EBF3: variants seen among roughly 807,000 people sequenced by gnomAD.
The protein encoded by EBF3 is EBF transcription factor 3, also known as transcription factor COE3.
EBF3 carries 18 observed loss-of-function variants against 77.1 expected under a neutral mutation model. The ratio of observed to expected loss-of-function variants is 0.23; its 90% CI spans 0.16 to 0.35. EBF3 has a LOEUF of 0.35. EBF3 is among the 10% of genes least tolerant of loss of function. The pLI is 1.00. For synonymous variants in EBF3, 350 were observed against 343.5 expected (o/e 1.02, Z -0.21); for missense variants, 558 against 860.0 (o/e 0.65, Z 4.39).
At chr10:129,921,450 G>A (rs1045624560) in intron 6 of EBF3, among the ~76,000 whole-genome samples, 3 of 152,300 alleles carry the variant, frequency 2.0e-5, no homozygotes, top group Non-Finnish European at 2.9e-5. Flanking sequence ...CCAAGCTGCC[G>A]GCGTCCCCTG....
chr10:129,873,035 C>T (rs7895769), intron 8 of EBF3, among the ~76,000 whole-genome samples: 28,696 of 152,126 alleles, frequency 0.19, 3,700 homozygotes, highest in African/African-American at 0.35. Flanking sequence ...ACACGCACTC[C>T]AGCCAGGGAC....
Position 129,963,480 on chromosome 10 carries a change from A to T in EBF3, c.178T>A (p.Ser60Thr), listed in dbSNP as rs1435157190. 6.3e-7 allele frequency: 1 copy of T among 1,583,664 alleles called. No individual in the cohort carries two copies. Among genetic ancestry groups the T allele is most frequent in the East Asian group, 2.4e-5 (1 of 41,438 alleles). The change falls in exon 2 of 17, where the codon TCC (serine) becomes ACC (threonine). Residue 60 changes from serine (S) to threonine (T), a missense_variant. This residue lies in a region of EBF3 where 84 missense variants were observed against 142.3 expected (regional missense o/e 0.59). Transcript: ENST00000440978. This position sits in a 1 kb window ranked among gnomAD's most constrained non-coding sequence, Gnocchi z 7.1. Reference sequence around the variant, plus strand: ...AAGAAATTGGATTTCCGGAGGTTGGAAGGCGGCTGCTTCTCGAAGTGCGCC... The same window carrying T: ...AAGAAATTGGATTTCCGGAGGTTGGTAGGCGGCTGCTTCTCGAAGTGCGCC... ...ARAHFEKQPP[S>T]NLRKSNFFHF... is the part of the protein sequence containing the mutation.
At chr10:129,874,144 T>A (rs1421626990) in intron 7 of EBF3, among the ~76,000 whole-genome samples, 1 of 152,180 alleles carries the variant, frequency 6.6e-6, no homozygotes, top group East Asian at 1.9e-4. Context: ...GGTAATGAAC[T>A]TTTTTTCATC....
intron 6 of EBF3, among the ~76,000 whole-genome samples, chr10:129,890,095 G>A (rs773578793): frequency 3.3e-5 from 5 of 152,024 alleles, no homozygotes; most frequent in Non-Finnish European, 7.4e-5. Context: ...TGGAGACACA[G>A]CTGTGGGTCA....
At chr10:129,895,326 G>A (rs1294644144) in intron 6 of EBF3, among the ~76,000 whole-genome samples, 1 of 152,202 alleles carries the variant, frequency 6.6e-6, no homozygotes, top group Non-Finnish European at 1.5e-5. Context: ...GGCTCCAGAG[G>A]GAGTGGACGG....
Position 129,944,804 on chromosome 10 carries a change from C to T in EBF3, c.554+12454G>A, listed in dbSNP as rs1858053257. 1.3e-5 allele frequency among the ~76,000 whole-genome samples: 2 copies of T among 151,868 alleles called. No individual in the cohort carries two copies. Among genetic ancestry groups the T allele is most frequent in the South Asian group, 4.2e-4 (2 of 4,812 alleles). ...TGAAATATCATAAGAATTTCATTAT[C>T]TTTGCAGCTGTTGCCTAGGATCAAG... On this transcript the variant is annotated intron_variant, in intron 6 of 16. Coordinates refer to ENST00000440978, the MANE Select transcript of EBF3 (RefSeq NM_001375380.1). This position sits in a 1 kb window ranked among gnomAD's most constrained non-coding sequence, Gnocchi z 5.1.
chr10:129,856,453 G>T (rs751347602), intron 10 of EBF3, among the ~76,000 whole-genome samples: 2 of 152,144 alleles, frequency 1.3e-5, no homozygotes, highest in Non-Finnish European at 2.9e-5. Context: ...TGGAAAACAC[G>T]CAAAGTGAAA....
At chr10:129,896,863 C>T (rs1854428280) in intron 6 of EBF3, among the ~76,000 whole-genome samples, 1 of 152,226 alleles carries the variant, frequency 6.6e-6, no homozygotes, top group Non-Finnish European at 1.5e-5. Context: ...CCATTAAATA[C>T]TGAGCAGAGG....
At position 129,848,270 on chromosome 10, in the gene EBF3, G is replaced by T; in HGVS notation, c.1128+122C>A. The T allele has an allele frequency of 9.6e-7, 1 of 1,045,782 alleles. No individual in the cohort carries two copies. The highest frequency in any genetic ancestry group is 1.5e-6 in the Non-Finnish European group (1 of 673,592). The allele number at this position is 1,045,782 out of a possible 1,614,324, so 64.8% of individuals were successfully genotyped here. A position where few individuals can be genotyped will look rare whatever the true frequency, so the allele number is the denominator to read the frequency against. On this transcript the variant is annotated intron_variant, in intron 11 of 16. Coordinates refer to ENST00000440978, the MANE Select transcript of EBF3 (RefSeq NM_001375380.1). This position sits in a 1 kb window ranked among gnomAD's most constrained non-coding sequence, Gnocchi z 4.4. ...AGCTCCTCACACCTGTCGGCCCTGT[G>T]GTGGGCACAGAGTTTGGGGAATCTG...
chr10:129,912,294 G>C (rs376794534), intron 6 of EBF3, among the ~76,000 whole-genome samples: 1 of 152,140 alleles, frequency 6.6e-6, no homozygotes, highest in African/African-American at 2.4e-5. Flanking sequence ...AATTTACACC[G>C]GGCCTTTACA....
rs749183730 is a variant in EBF3 at position 129,840,225 on chromosome 10, C to T, written c.1759+20G>A. ...CTGGAGAGGACCCAGCACTGGCCCA[C>T]GGCCCCGCACCACCCTCACCTTGCA... On this transcript the variant is annotated intron_variant, in intron 15 of 16. Transcript: ENST00000440978. 52 of 1,539,030 alleles carry T rather than the reference C, an allele frequency of 3.4e-5. No homozygotes were observed. Among genetic ancestry groups the T allele is most frequent in the Admixed American group, 7.9e-5 (4 of 50,874 alleles).
rs1313497345 is a variant in EBF3, at chr10:129,867,128, G to A, written c.1039+13C>T. On this transcript the variant is annotated intron_variant, in intron 10 of 16. Transcript: ENST00000440978. The stretch of plus-strand genomic sequence containing the variant: ...CTACCGCTTTCCCGCAGAAGCTGGA[G>A]CTGTGAACTCACCGGTGTAGACAAA... 15 of 1,611,328 alleles carry A rather than the reference G, an allele frequency of 9.3e-6. No homozygotes were observed. In the African/African-American group the frequency reaches 1.1e-4, roughly 11 times the overall value.
In EBF3 at chr10:129,839,164, C is replaced by T. The variant is rs190035951; in HGVS notation, c.1791G>A (p.Ala597=). The part of the protein sequence containing the change: ...GSLLGAEDVA[A]EKTNWPFCEV... Reference sequence around the variant, plus strand: ...CACAAAAGGGCCAGTTTGTCTTCTCCGCGGCTACGTCCTCAGCACCCAGCA... The same window carrying T: ...CACAAAAGGGCCAGTTTGTCTTCTCTGCGGCTACGTCCTCAGCACCCAGCA... The change falls in exon 16 of 17, where the codon GCG becomes GCA. Residue 597 remains alanine, a synonymous_variant. Transcript: ENST00000440978. 2.8e-5 allele frequency: 37 copies of T among 1,303,830 alleles called. No homozygotes were observed. The highest frequency in any genetic ancestry group is 2.1e-4 in the Middle Eastern group (1 of 4,698). The allele number at this position is 1,303,830 out of a possible 1,614,324, so 80.8% of individuals were successfully genotyped here.
At chr10:129,913,107 T>C (rs1041425534) in intron 6 of EBF3, among the ~76,000 whole-genome samples, 3 of 152,248 alleles carry the variant, frequency 2.0e-5, no homozygotes, top group Non-Finnish European at 4.4e-5. Flanking sequence ...AAACGCAGCT[T>C]TGTTCGAGCT....
At chr10:129,930,964 C>T (rs1856987762) in intron 6 of EBF3, among the ~76,000 whole-genome samples, 3 of 143,084 alleles carry the variant, frequency 2.1e-5, no homozygotes, top group South Asian at 2.3e-4. Flanking sequence ...TAACAAATCC[C>T]CCTCTCATAT....
intron 7 of EBF3, among the ~76,000 whole-genome samples, chr10:129,874,968 G>A (rs894893021): frequency 7.9e-5 from 12 of 151,832 alleles, no homozygotes; most frequent in Admixed American, 2.6e-4. Flanking sequence ...TACTTTCTGC[G>A]AAATTGTTTT....
chr10:129,933,125 G>A (rs954939662), intron 6 of EBF3, among the ~76,000 whole-genome samples: 2 of 152,120 alleles, frequency 1.3e-5, no homozygotes, highest in African/African-American at 2.4e-5. Context: ...TGATGGACGT[G>A]GAGGAGGGTC....
At chr10:129,880,418 T>G (rs1853119260) in intron 6 of EBF3, among the ~76,000 whole-genome samples, 1 of 151,884 alleles carries the variant, frequency 6.6e-6, no homozygotes, top group Non-Finnish European at 1.5e-5. Flanking sequence ...CACAAATGCA[T>G]GCACACATGC....
At chr10:129,887,699 C>A (rs1362087609) in intron 6 of EBF3, among the ~76,000 whole-genome samples, 1 of 152,098 alleles carries the variant, frequency 6.6e-6, no homozygotes, top group Non-Finnish European at 1.5e-5. Context: ...CAGGGCCCTG[C>A]ACAACCAAAA....
Sources: allele counts gnomAD v4.1 joint callset (sites outside exome capture counted in the v4.1 genomes callset), GRCh38; gene constraint gnomAD v4.1.1; regional missense constraint gnomAD v4.1.1; non-coding constraint Gnocchi (gnomAD v3.1); transcripts MANE v1.5; gene names NCBI Gene and HGNC (gene_info 2026-07-23, HGNC 2026-07-21).